Variants in SNTG2 observed in about 807,000 individuals in gnomAD.
The protein encoded by SNTG2 is gamma-2-syntrophin.
Under a neutral mutation model 70.9 loss-of-function variants are expected in SNTG2, and 74 were observed. That is an observed-to-expected ratio of 1.04 (90% CI 0.86 to 1.27). The LOEUF is 1.27. Ranked by LOEUF, SNTG2 falls within the 50% of genes most tolerant of loss-of-function variation. The probability of loss-of-function intolerance (pLI) is 0.00; values close to 1 mark genes in which losing one functional copy is unlikely to be tolerated. For synonymous variants in SNTG2, 278 were observed against 273.8 expected (o/e 1.02, Z -0.15); for missense variants, 717 against 690.7 (o/e 1.04, Z -0.43).
chr2:1,149,842 C>G lies in SNTG2; in HGVS notation c.411+12033C>G, dbSNP rs1384706607. 2.7e-5 allele frequency among the ~76,000 whole-genome samples: 4 copies of G among 150,856 alleles called. 1 individual carries two copies. Among genetic ancestry groups the G allele is most frequent in the Non-Finnish European group, 5.9e-5 (4 of 67,630 alleles). ...AGCTGGGACTACAGGCTCCCGCCAC[C>G]GCGCCTGGCTAATTTTTTTGTATTT... On this transcript the variant is annotated intron_variant, in intron 6 of 16. Transcript: ENST00000308624.
chr2:1,099,120 A>G (rs3935927), intron 4 of SNTG2, among the ~76,000 whole-genome samples: 64,352 of 152,042 alleles, frequency 0.42, 14,978 homozygotes, highest in African/African-American at 0.62. Context: ...AGGATTCTGC[A>G]TCCTTGTGGC....
intron 1 of SNTG2, among the ~76,000 whole-genome samples, chr2:1,030,776 A>G (rs1660772438): frequency 6.6e-6 from 1 of 151,730 alleles, no homozygotes; most frequent in Non-Finnish European, 1.5e-5. Context: ...CAAGTGTACC[A>G]TAAAACTGTG....
intron 1 of SNTG2, among the ~76,000 whole-genome samples, chr2:958,084 C>A (rs1015527418): frequency 1.3e-5 from 2 of 152,096 alleles, no homozygotes; most frequent in African/African-American, 4.8e-5. Context: ...TTTAACACCC[C>A]TGGGGTACTG....
At chr2:1,099,059 G>A (rs1294987391) in intron 4 of SNTG2, among the ~76,000 whole-genome samples, 1 of 152,126 alleles carries the variant, frequency 6.6e-6, no homozygotes, top group African/African-American at 2.4e-5. Context: ...TTCGATTTTG[G>A]ACATAATGAA....
intron 4 of SNTG2, among the ~76,000 whole-genome samples, chr2:1,103,736 T>C (rs550982511): frequency 6.6e-6 from 1 of 152,290 alleles, no homozygotes; most frequent in African/African-American, 2.4e-5. Flanking sequence ...TTAAACTTCA[T>C]AGACACCAGA....
rs1352031193 is a variant in SNTG2 at position 1,226,532 on chromosome 2, C to T, written c.720-11356C>T. Among the ~76,000 whole-genome samples the T allele has an allele frequency of 2.0e-5, 3 of 152,050 alleles. No homozygotes were observed. In the East Asian group the frequency reaches 5.8e-4, roughly 29 times the overall value. ...AGCTCTGCTAAATGGAGGTGCAAGGCCTCGAGGCCATGACAGTGACCTCCT... is the reference window on the plus strand; with the variant it reads ...AGCTCTGCTAAATGGAGGTGCAAGGTCTCGAGGCCATGACAGTGACCTCCT... On this transcript the variant is annotated intron_variant, in intron 9 of 16. Coordinates refer to ENST00000308624, the MANE Select transcript of SNTG2 (RefSeq NM_018968.4).
intron 8 of SNTG2, among the ~76,000 whole-genome samples, chr2:1,175,237 C>T (rs1671393583): frequency 1.3e-5 from 2 of 152,204 alleles, no homozygotes; most frequent in Admixed American, 1.3e-4. Context: ...CCACGGCTCA[C>T]AAGTAACCAG....
In SNTG2 at chr2:1,247,506, G is replaced by A. The variant is rs1677504582; in HGVS notation, c.1005+63G>A. The A allele has an allele frequency of 3.5e-6, 4 of 1,154,464 alleles. No homozygotes were observed. The African/African-American group carries it at 6.1e-5, about 18-fold the overall frequency. 71.5% of individuals were successfully genotyped at this position (1,154,464 alleles called of 1,614,324 possible). ...TGGGAGGGCTATTCCTGTAGGAGGG[G>A]GAAAGCTACATCTGGTGTTTGGAGG... On this transcript the variant is annotated intron_variant, in intron 12 of 16. Transcript: ENST00000308624.
chr2:1,267,442 G>A lies in SNTG2; in HGVS notation c.1155G>A (p.Arg385=), dbSNP rs763250834. Residue 385 remains arginine, a synonymous_variant, in exon 14 of 17, where the codon AGG becomes AGA. Coordinates refer to ENST00000308624, the MANE Select transcript of SNTG2 (RefSeq NM_018968.4). ...GLQDFDFEDQ[R]PYCFSIVAGH... is the part of the protein sequence containing the mutation. ...AAGATTTTGACTTTGAGGACCAGAG[G>A]CCCTATTGCTTCAGCATCGTGGCCG... The A allele has an allele frequency of 1.9e-6, 3 of 1,613,204 alleles. No individual in the cohort carries two copies. Among genetic ancestry groups the A allele is most frequent in the South Asian group, 2.2e-5 (2 of 90,770 alleles).
chr2:1,091,539 C>T (rs189515463), intron 2 of SNTG2, among the ~76,000 whole-genome samples: 6 of 152,266 alleles, frequency 3.9e-5, no homozygotes, highest in Admixed American at 3.9e-4. Flanking sequence ...ACTGCAGCTC[C>T]CAGAGACCCC....
chr2:1,338,153 GTTTA>G (rs981674973), intron 16 of SNTG2, among the ~76,000 whole-genome samples: 1 of 152,090 alleles, frequency 6.6e-6, no homozygotes, highest in Non-Finnish European at 1.5e-5. Context: ...TTCAGACTTT[GTTTA>G]TTTGTTTTCA....
chr2:1,222,037 G>GTCTCTGTC (rs1675111373), intron 9 of SNTG2, among the ~76,000 whole-genome samples: 1 of 3,974 alleles, frequency 2.5e-4, no homozygotes, highest in Non-Finnish European at 4.7e-4. Flanking sequence ...GCCTATCTCT[G>GTCTCTGTC]TCTCTCTCTG....
At chr2:1,091,684 C>T (rs1665038594) in intron 2 of SNTG2, among the ~76,000 whole-genome samples, 1 of 152,136 alleles carries the variant, frequency 6.6e-6, no homozygotes, top group African/African-American at 2.4e-5. Context: ...TGTGAGAAGC[C>T]AGATCCAACT....
At chr2:1,185,744 C>A (rs2147925629) in intron 8 of SNTG2, among the ~76,000 whole-genome samples, 1 of 152,316 alleles carries the variant, frequency 6.6e-6, no homozygotes, top group Non-Finnish European at 1.5e-5. Flanking sequence ...CCCAGGAAAT[C>A]ATTCTTCCCT....
chr2:979,663 C>T (rs924217006), intron 1 of SNTG2, among the ~76,000 whole-genome samples: 12 of 152,154 alleles, frequency 7.9e-5, no homozygotes, highest in African/African-American at 2.9e-4. Context: ...TCTTTTTCTG[C>T]TCTCCTTTAA....
chr2:959,580 G>T (rs969502011), intron 1 of SNTG2, among the ~76,000 whole-genome samples: 29 of 151,976 alleles, frequency 1.9e-4, no homozygotes, highest in South Asian at 1.3e-3. Flanking sequence ...TGGTGTTCCC[G>T]CAGTGGGCTG....
rs567362608 is a variant in SNTG2 at position 1,249,057 on chromosome 2, G to A, written c.1005+1614G>A. On this transcript the variant is annotated intron_variant, in intron 12 of 16. Transcript: ENST00000308624. ...GCCCGGCTGGTAAACTGATTGCAGC[G>A]TCACAAAGTGTCCCTGGAATTGCTA... Among the ~76,000 whole-genome samples the A allele has an allele frequency of 3.2e-4, 49 of 152,282 alleles. No individual in the cohort carries two copies. In the South Asian group the frequency reaches 7.9e-3, roughly 24 times the overall value.
chr2:1,141,302 A>G (rs954227063), intron 6 of SNTG2, among the ~76,000 whole-genome samples: 7 of 152,256 alleles, frequency 4.6e-5, no homozygotes, highest in African/African-American at 1.7e-4. Context: ...CTTTTTCCTC[A>G]AGAATGAGTA....
At chr2:1,224,457 C>T (rs190244713) in intron 9 of SNTG2, among the ~76,000 whole-genome samples, 78 of 152,318 alleles carry the variant, frequency 5.1e-4, no homozygotes, top group Middle Eastern at 3.4e-3. Context: ...ATCCCCCTCT[C>T]GCCTCCTCTG....
Sources: gnomAD v4.1 joint callset for allele counts (sites outside exome capture counted in the v4.1 genomes callset) on GRCh38, gnomAD v4.1.1 for gene constraint, MANE v1.5 for transcripts, NCBI Gene and HGNC (gene_info 2026-07-23, HGNC 2026-07-21) for gene names.